The following CLYBL variants were observed in gnomAD, a reference collection of about 807,000 sequenced individuals.
CLYBL encodes citramalyl-CoA lyase.
CLYBL carries 31 observed loss-of-function variants against 38.9 expected under a neutral mutation model. The observed-to-expected ratio is 0.80, with a 90% CI of 0.60 to 1.08. The LOEUF (loss-of-function observed/expected upper bound fraction) is 1.08. Ranked by LOEUF, CLYBL falls within the 50% of genes least tolerant of loss-of-function variation. CLYBL has a pLI of 0.00. For synonymous variants in CLYBL, 171 were observed against 158.6 expected (o/e 1.08, Z -0.59); for missense variants, 434 against 411.6 (o/e 1.05, Z -0.47).
chr13:99,792,067 T>C (rs930005494), intron 2 of CLYBL, among the ~76,000 whole-genome samples: 1 of 152,230 alleles, frequency 6.6e-6, no homozygotes, highest in Admixed American at 6.5e-5. Context: ...GAGAAAGATG[T>C]TACTTATTTT....
chr13:99,711,659 G>A (rs2048235255), intron 1 of CLYBL, among the ~76,000 whole-genome samples: 1 of 151,854 alleles, frequency 6.6e-6, no homozygotes, highest in African/African-American at 2.4e-5. Flanking sequence ...GCCCACCTCA[G>A]CCTCCCAAAG....
intron 1 of CLYBL, among the ~76,000 whole-genome samples, chr13:99,688,432 C>A (rs1363826137): frequency 2.0e-5 from 3 of 152,060 alleles, no homozygotes; most frequent in Admixed American, 2.0e-4. Context: ...TGTAAGATTG[C>A]CTTAAATGTA....
chr13:99,679,155 G>C (rs1453878844), intron 1 of CLYBL, among the ~76,000 whole-genome samples: 1 of 151,894 alleles, frequency 6.6e-6, no homozygotes, highest in Non-Finnish European at 1.5e-5. Flanking sequence ...TTAGCCGGGT[G>C]TGGTGGCGGG....
intron 1 of CLYBL, among the ~76,000 whole-genome samples, chr13:99,635,700 A>G (rs890460055): frequency 2.6e-5 from 4 of 152,196 alleles, no homozygotes; most frequent in Admixed American, 1.3e-4. Context: ...TGGAGAGACC[A>G]TGAAGACTGG....
chr13:99,774,734 A>C (rs974481371), intron 2 of CLYBL, among the ~76,000 whole-genome samples: 1 of 152,256 alleles, frequency 6.6e-6, no homozygotes, highest in Non-Finnish European at 1.5e-5. Context: ...GAAAAGGATT[A>C]GAATGAGCCT....
intron 1 of CLYBL, among the ~76,000 whole-genome samples, chr13:99,710,663 C>A (rs1304543948): frequency 3.3e-5 from 5 of 152,142 alleles, no homozygotes; most frequent in African/African-American, 1.2e-4. Context: ...CCGGTATCAG[C>A]CCCCTAGTTT....
intron 7 of CLYBL, among the ~76,000 whole-genome samples, chr13:99,890,830 T>G (rs1056594078): frequency 5.3e-5 from 8 of 152,190 alleles, no homozygotes; most frequent in Admixed American, 2.0e-4. Context: ...CTTTGTACCC[T>G]GTACAATCCT....
intron 2 of CLYBL, among the ~76,000 whole-genome samples, chr13:99,825,372 G>A (rs1027293182): frequency 1.8e-4 from 28 of 152,302 alleles, no homozygotes; most frequent in African/African-American, 6.7e-4. Context: ...CCAAGTAAGT[G>A]CGTGTGAATG....
intron 1 of CLYBL, among the ~76,000 whole-genome samples, chr13:99,681,148 C>T (rs2047728809): frequency 6.6e-6 from 1 of 152,088 alleles, no homozygotes; most frequent in Admixed American, 6.5e-5. Flanking sequence ...AAGAGTGATT[C>T]TGGATTGGAT....
intron 1 of CLYBL, among the ~76,000 whole-genome samples, chr13:99,733,629 T>C (rs949898397): frequency 6.6e-5 from 10 of 152,260 alleles, no homozygotes; most frequent in African/African-American, 2.4e-4. Flanking sequence ...TTGGAAAATA[T>C]GGTTCCTTCC....
At position 99,781,416 on chromosome 13, in the gene CLYBL, C is replaced by T. The variant is rs571877082; in HGVS notation, c.249+8406C>T. Among the ~76,000 whole-genome samples, 19 of 152,024 alleles carry T rather than the reference C, an allele frequency of 1.2e-4. No homozygotes were observed. In the South Asian group the frequency reaches 1.5e-3, roughly 12 times the overall value. On this transcript the variant is annotated intron_variant, in intron 2 of 8. Transcript: ENST00000339105. ...CAATCTCCTGACCTCGTGATCTGCC[C>T]GCCTTGGCCTCCCAAAGTGCTGGGA... is the stretch of plus-strand genomic sequence containing the variant.
rs189936292 is a variant in CLYBL at position 99,774,163 on chromosome 13, T to C, written c.249+1153T>C. On this transcript the variant is annotated intron_variant, in intron 2 of 8. Coordinates refer to ENST00000339105, the MANE Select transcript of CLYBL (RefSeq NM_206808.5). ...TGGTAGAATCACGTGAGCCCGAGAG[T>C]TTGAGGCTGCAGTGAACCATGATCG... 2.9e-3 allele frequency among the ~76,000 whole-genome samples: 444 copies of C among 152,110 alleles called. 2 individuals carry two copies. The highest frequency in any genetic ancestry group is 4.0e-3 in the Non-Finnish European group (271 of 68,004).
chr13:99,673,814 A>T (rs964103102), intron 1 of CLYBL, among the ~76,000 whole-genome samples: 1 of 151,966 alleles, frequency 6.6e-6, no homozygotes, highest in Non-Finnish European at 1.5e-5. Context: ...AAGTGGGGAG[A>T]CCCGTCAGGA....
intron 1 of CLYBL, among the ~76,000 whole-genome samples, chr13:99,746,097 G>GA (rs11322280): frequency 9.0e-4 from 132 of 147,024 alleles, no homozygotes; most frequent in African/African-American, 2.0e-3. Flanking sequence ...TTTTCTAGAA[G>GA]AAAAAAAAAA....
intron 1 of CLYBL, among the ~76,000 whole-genome samples, chr13:99,703,691 T>C (rs755427728): frequency 6.6e-5 from 10 of 152,178 alleles, no homozygotes; most frequent in Non-Finnish European, 1.5e-4. Context: ...TTTTTATACA[T>C]GTCCTTTACA....
chr13:99,607,447 A>G (rs932209593), intron 1 of CLYBL, among the ~76,000 whole-genome samples: 1 of 152,144 alleles, frequency 6.6e-6, no homozygotes, highest in African/African-American at 2.4e-5. Context: ...TGCAGATATT[A>G]GTTGGGAAAG....
intron 1 of CLYBL, among the ~76,000 whole-genome samples, chr13:99,712,023 CT>C (rs1214388115): frequency 6.6e-6 from 1 of 152,100 alleles, no homozygotes; most frequent in African/African-American, 2.4e-5. Flanking sequence ...TATAAAGGTG[CT>C]GATTTCATTT....
At chr13:99,786,419 A>G (rs1027939726) in intron 2 of CLYBL, among the ~76,000 whole-genome samples, 6 of 151,366 alleles carry the variant, frequency 4.0e-5, no homozygotes, top group Non-Finnish European at 8.8e-5. Flanking sequence ...AAGTGTTCTC[A>G]TTGTTCAGTT....
At chr13:99,870,410 A>G (rs1423263990) in intron 6 of CLYBL, among the ~76,000 whole-genome samples, 1 of 152,210 alleles carries the variant, frequency 6.6e-6, no homozygotes, top group Non-Finnish European at 1.5e-5. Context: ...GTAAAGCTGT[A>G]TTTGATAGTA....
Sources: allele counts gnomAD v4.1 joint callset (sites outside exome capture counted in the v4.1 genomes callset), GRCh38; gene constraint gnomAD v4.1.1; transcripts MANE v1.5; gene names NCBI Gene and HGNC (gene_info 2026-07-23, HGNC 2026-07-21).